The following LRP1B variants were observed in gnomAD, a reference collection of about 807,000 sequenced individuals.
The protein encoded by LRP1B is low-density lipoprotein receptor-related protein 1B.
Under a neutral mutation model 556.6 loss-of-function variants are expected in LRP1B, and 217 were observed. The ratio of observed to expected loss-of-function variants is 0.39; its 90% CI spans 0.35 to 0.44. LRP1B has a LOEUF of 0.44. Among genes scored for constraint, LRP1B ranks in the 20% least tolerant of loss-of-function variants. LRP1B has a pLI of 1.00. For missense variants in LRP1B, 5,053 were observed against 5,620.8 expected, an observed-to-expected ratio of 0.90 and a Z score of 3.23; for synonymous variants, 2,047 against 1,865.8, an observed-to-expected ratio of 1.10 and a Z score of -2.50.
intron 2 of LRP1B, among the ~76,000 whole-genome samples, chr2:141,670,952 T>A (rs1690643589): frequency 6.6e-6 from 1 of 152,216 alleles, no homozygotes; most frequent in Non-Finnish European, 1.5e-5. Context: ...ATAAAAGGTA[T>A]CTGAATTAGA....
In LRP1B at chr2:142,113,651, C is replaced by T. The variant is rs111940484; in HGVS notation, c.82+16997G>A. Among the ~76,000 whole-genome samples the T allele has an allele frequency of 3.5e-4, 53 of 152,064 alleles. 2 individuals are homozygous for T. The highest frequency in any genetic ancestry group is 1.3e-3 in the African/African-American group (52 of 41,498). On this transcript the variant is annotated intron_variant, in intron 1 of 90. Transcript: ENST00000389484. ...AACTAACTAACTAAATAAATAAATA[C>T]GTGTGTACATTGAAACAGTGGAGAT...
intron 73 of LRP1B, 149 bp downstream of exon 73, chr2:140,358,672 T>C: frequency 1.3e-6 from 1 of 783,434 alleles, no homozygotes; most frequent in South Asian, 1.8e-5. Flanking sequence ...GCTGGTGGAA[T>C]ATTTTTATAC....
At chr2:141,784,743 T>C (rs1695374303) in intron 2 of LRP1B, among the ~76,000 whole-genome samples, 1 of 151,962 alleles carries the variant, frequency 6.6e-6, no homozygotes, top group African/African-American at 2.4e-5. Context: ...CTCCCGTCTC[T>C]TAAATAGAAC....
chr2:140,457,522 A>G lies in LRP1B; in HGVS notation c.9755T>C (p.Ile3252Thr). Reference sequence around the variant, plus strand: ...ATCTGTGATGGCATGCCATGAGTAAATCAGTGAGAGTCTGTCTGCTCCCGA... The same window carrying G: ...ATCTGTGATGGCATGCCATGAGTAAGTCAGTGAGAGTCTGTCTGCTCCCGA... ...KTSGADRLSL[I>T]YSWHAITDIQ... Residue 3252 changes from isoleucine (I) to threonine (T), a missense_variant, in exon 61 of 91, where the codon ATT becomes ACT. Transcript: ENST00000389484. 1.2e-6 allele frequency: 2 copies of G among 1,613,878 alleles called. No homozygotes were observed. Among genetic ancestry groups the G allele is most frequent in the Non-Finnish European group, 1.7e-6 (2 of 1,179,802 alleles).
At chr2:141,240,925 A>G (rs1361212473) in intron 5 of LRP1B, among the ~76,000 whole-genome samples, 6 of 152,138 alleles carry the variant, frequency 3.9e-5, no homozygotes, top group Admixed American at 3.9e-4. Context: ...ATAAAACACC[A>G]TGGTTATGTC....
At chr2:140,981,903 C>T (rs1696780586) in intron 18 of LRP1B, among the ~76,000 whole-genome samples, 1 of 152,146 alleles carries the variant, frequency 6.6e-6, no homozygotes. Flanking sequence ...GTAATAACCA[C>T]TTCCTAATAA....
intron 6 of LRP1B, among the ~76,000 whole-genome samples, chr2:141,225,555 G>T (rs567489258): frequency 1.3e-5 from 2 of 152,166 alleles, no homozygotes; most frequent in South Asian, 2.1e-4. Context: ...AATGTGCTTT[G>T]TATGAATACT....
In LRP1B at chr2:140,273,685, G is replaced by C. The variant is rs569507916; in HGVS notation, c.13142+739C>G. On this transcript the variant is annotated intron_variant, in intron 85 of 90. Coordinates refer to ENST00000389484, the MANE Select transcript of LRP1B (RefSeq NM_018557.3). ...ATACTCCCAAGCAAGGCAAGTGATA[G>C]AGTCCAGTTCTTTATAAGCCCTTCC... is the stretch of plus-strand genomic sequence containing the variant. 2.0e-4 allele frequency among the ~76,000 whole-genome samples: 30 copies of C among 152,080 alleles called. 1 individual carries two copies. In the South Asian group the frequency reaches 6.2e-3, roughly 32 times the overall value.
intron 1 of LRP1B, among the ~76,000 whole-genome samples, chr2:141,857,699 T>C (rs1428915279): frequency 3.3e-5 from 5 of 152,058 alleles, no homozygotes; most frequent in Admixed American, 1.3e-4. Flanking sequence ...CAAAATGAAA[T>C]AAAATCTTGC....
chr2:141,496,513 G>A (rs1030195388), intron 2 of LRP1B, among the ~76,000 whole-genome samples: 1 of 151,912 alleles, frequency 6.6e-6, no homozygotes, highest in African/African-American at 2.4e-5. Flanking sequence ...CATTGAAATC[G>A]AGCTCCTAAA....
chr2:141,117,271 C>T (rs1281071992), intron 7 of LRP1B, among the ~76,000 whole-genome samples: 2 of 144,404 alleles, frequency 1.4e-5, no homozygotes, highest in Admixed American at 7.0e-5. Context: ...TCAAAAGAAT[C>T]ATTTTAAGTG....
At chr2:140,767,533 A>T (rs1689159505) in intron 35 of LRP1B, among the ~76,000 whole-genome samples, 1 of 151,960 alleles carries the variant, frequency 6.6e-6, no homozygotes, top group Admixed American at 6.6e-5. Context: ...TAAACTTTGG[A>T]GAGTGAATTT....
rs772764261 is a variant in LRP1B at position 141,707,176 on chromosome 2, T to C, written c.205+103103A>G. Reference sequence around the variant, plus strand: ...GACTATGACTTTACCTTCTGGAATGTGTGACGGTTTTGTTTCTTGTTCACT... The same window carrying C: ...GACTATGACTTTACCTTCTGGAATGCGTGACGGTTTTGTTTCTTGTTCACT... On this transcript the variant is annotated intron_variant, in intron 2 of 90. Transcript: ENST00000389484. Among the ~76,000 whole-genome samples, 3 of 152,122 alleles carry C rather than the reference T, an allele frequency of 2.0e-5. 1 individual carries two copies. The highest frequency in any genetic ancestry group is 1.3e-4 in the Admixed American group (2 of 15,246).
intron 2 of LRP1B, among the ~76,000 whole-genome samples, chr2:141,487,263 A>G (rs777127051): frequency 5.9e-5 from 9 of 152,168 alleles, no homozygotes; most frequent in African/African-American, 2.4e-5. Context: ...TTTCTTCAAA[A>G]TAAGACTATG....
chr2:140,485,761 G>A (rs1182029546), intron 58 of LRP1B, among the ~76,000 whole-genome samples: 4 of 151,180 alleles, frequency 2.6e-5, no homozygotes, highest in African/African-American at 7.3e-5. Context: ...TTTAAAAAAA[G>A]TTGTTGGAGA....
chr2:140,856,569 T>C (rs1013134615), intron 27 of LRP1B, among the ~76,000 whole-genome samples: 1 of 152,162 alleles, frequency 6.6e-6, no homozygotes, highest in African/African-American at 2.4e-5. Flanking sequence ...ATTATTCAAC[T>C]CTGCTACTAT....
chr2:142,003,276 A>G (rs1702710236), intron 1 of LRP1B, among the ~76,000 whole-genome samples: 1 of 152,254 alleles, frequency 6.6e-6, no homozygotes, highest in Non-Finnish European at 1.5e-5. Context: ...TGCCTAATGC[A>G]CAATAGTTGT....
At chr2:141,173,182 A>C (rs536916503) in intron 7 of LRP1B, among the ~76,000 whole-genome samples, 3 of 151,976 alleles carry the variant, frequency 2.0e-5, no homozygotes, top group Admixed American at 1.3e-4. Context: ...CATCACTGCC[A>C]TTACCATTCT....
chr2:141,338,215 T>G (rs749150072), intron 3 of LRP1B, among the ~76,000 whole-genome samples: 1 of 152,168 alleles, frequency 6.6e-6, no homozygotes, highest in Admixed American at 6.5e-5. Flanking sequence ...CTAAGGTCCC[T>G]CAGAGTTTTG....
Sources: gnomAD v4.1 joint callset for allele counts (sites outside exome capture counted in the v4.1 genomes callset) on GRCh38, gnomAD v4.1.1 for gene constraint, MANE v1.5 for transcripts, NCBI Gene and HGNC (gene_info 2026-07-23, HGNC 2026-07-21) for gene names.